Variants in SHISA6 observed in about 807,000 individuals in gnomAD.
The protein encoded by SHISA6 is shisa family member 6, also known as protein shisa-6.
In SHISA6, 22 loss-of-function variants were observed where a neutral mutation model predicts 47.9. The observed-to-expected ratio is 0.46, with a 90% CI of 0.33 to 0.66. SHISA6 has a LOEUF of 0.66. Among genes scored for constraint, SHISA6 ranks in the 30% least tolerant of loss-of-function variants. The pLI is 0.02. For missense variants in SHISA6, 680 were observed against 764.6 expected, an observed-to-expected ratio of 0.89 and a Z score of 1.30; for synonymous variants, 388 against 337.8, an observed-to-expected ratio of 1.15 and a Z score of -1.63.
intron 2 of SHISA6, among the ~76,000 whole-genome samples, chr17:11,305,209 G>A (rs924261077): frequency 8.5e-5 from 13 of 152,268 alleles, no homozygotes; most frequent in African/African-American, 2.6e-4. Flanking sequence ...GGGGTATACT[G>A]TTTACACTGA....
Position 11,560,770 on chromosome 17 carries a change from C to T in SHISA6, c.*2466C>T, listed in dbSNP as rs2072035347. ...CTCAGGGGTTGTTGATGAGTTGATT[C>T]CAAGACATTTCTCATCCCAGCCTTA... is the stretch of plus-strand genomic sequence containing the variant. On this transcript the variant is annotated 3_prime_UTR_variant, in exon 6 of 6. Transcript: ENST00000441885. The T allele has an allele frequency of 6.6e-6, 1 of 152,140 alleles. No homozygotes were observed. Among genetic ancestry groups the T allele is most frequent in the Admixed American group, 6.5e-5 (1 of 15,272 alleles). The allele number at this position is 152,140 out of a possible 1,614,324, so 9.4% of individuals were successfully genotyped here.
chr17:11,494,258 C>T (rs1013910011), intron 3 of SHISA6, among the ~76,000 whole-genome samples: 3 of 152,144 alleles, frequency 2.0e-5, no homozygotes, highest in Non-Finnish European at 4.4e-5. Flanking sequence ...ATTAGCATCC[C>T]CTGCCTTAAA....
intron 3 of SHISA6, among the ~76,000 whole-genome samples, chr17:11,464,753 G>A (rs1429851133): frequency 6.6e-6 from 1 of 152,116 alleles, no homozygotes; most frequent in Non-Finnish European, 1.5e-5. Context: ...GACCAGCCTG[G>A]CCAACATGGT....
In SHISA6 at chr17:11,241,286, C is replaced by T. The variant is rs1045695245; in HGVS notation, c.-137C>T. 8.3e-4 allele frequency: 344 copies of T among 415,998 alleles called. 1 individual carries two copies. Among genetic ancestry groups the T allele is most frequent in the African/African-American group, 6.8e-3 (312 of 45,918 alleles). The allele number at this position is 415,998 out of a possible 1,614,324, so 25.8% of individuals were successfully genotyped here. ...GCCGCCGCCACTGCCGCCCGCGCCT[C>T]GATGGCGCCATCGCCCCGGAGCCGC... On this transcript the variant is annotated 5_prime_UTR_variant, in exon 1 of 6. Coordinates refer to ENST00000441885, the MANE Select transcript of SHISA6 (RefSeq NM_207386.4). This position sits in a 1 kb window ranked among gnomAD's most constrained non-coding sequence, Gnocchi z 5.5.
At chr17:11,424,222 A>C (rs149819749) in intron 3 of SHISA6, among the ~76,000 whole-genome samples, 115 of 152,348 alleles carry the variant, frequency 7.5e-4, no homozygotes, top group African/African-American at 2.6e-3. Flanking sequence ...GTAACATTTT[A>C]AAGCAGATAG....
chr17:11,300,532 C>CT (rs1368779740), intron 2 of SHISA6, among the ~76,000 whole-genome samples: 2 of 152,190 alleles, frequency 1.3e-5, no homozygotes, highest in Non-Finnish European at 2.9e-5. Context: ...GTTTTGATCT[C>CT]TAAGTTTTCA....
intron 2 of SHISA6, among the ~76,000 whole-genome samples, chr17:11,270,785 G>A (rs1372095152): frequency 6.6e-6 from 1 of 152,244 alleles, no homozygotes; most frequent in Non-Finnish European, 1.5e-5. Context: ...CTTCCATGCG[G>A]TATTTCCTTC....
At chr17:11,508,301 C>G (rs530935947) in intron 3 of SHISA6, among the ~76,000 whole-genome samples, 1 of 152,168 alleles carries the variant, frequency 6.6e-6, no homozygotes, top group Non-Finnish European at 1.5e-5. Context: ...ATCAAAGCAC[C>G]AGCATCTGGT....
At chr17:11,291,956 C>T (rs1909564052) in intron 2 of SHISA6, among the ~76,000 whole-genome samples, 3 of 152,220 alleles carry the variant, frequency 2.0e-5, no homozygotes, top group African/African-American at 4.8e-5. Context: ...AATATGCATG[C>T]GTTGTGGAAT....
At chr17:11,361,442 A>C (rs1912282735) in intron 2 of SHISA6, among the ~76,000 whole-genome samples, 1 of 152,188 alleles carries the variant, frequency 6.6e-6, no homozygotes, top group African/African-American at 2.4e-5. Context: ...ACCAATGGAA[A>C]TATAAAGTTA....
intron 3 of SHISA6, among the ~76,000 whole-genome samples, chr17:11,472,877 A>T (rs2160496): frequency 0.27 from 41,250 of 151,892 alleles, 5,651 homozygotes; most frequent in Admixed American, 0.31. Context: ...TTACATTATC[A>T]TTGTCTTGAT....
intron 2 of SHISA6, among the ~76,000 whole-genome samples, chr17:11,286,304 T>TA (rs1803959854): frequency 6.6e-6 from 1 of 152,194 alleles, no homozygotes; most frequent in African/African-American, 2.4e-5. Context: ...CACATCCACA[T>TA]ATCCTGGGCT....
chr17:11,465,322 G>A (rs1351103546), intron 3 of SHISA6, among the ~76,000 whole-genome samples: 2 of 152,096 alleles, frequency 1.3e-5, no homozygotes, highest in East Asian at 1.9e-4. Flanking sequence ...CATGCCTCTC[G>A]TATGCAGCCT....
intron 2 of SHISA6, among the ~76,000 whole-genome samples, chr17:11,301,277 T>C (rs1460474717): frequency 6.6e-6 from 1 of 152,164 alleles, no homozygotes; most frequent in Non-Finnish European, 1.5e-5. Context: ...CCTGGGTGCG[T>C]TGCAGCCCCC....
chr17:11,351,988 TTTTGGTGAGATA>T (rs1468361420), intron 2 of SHISA6, among the ~76,000 whole-genome samples: 1 of 152,060 alleles, frequency 6.6e-6, no homozygotes, highest in Non-Finnish European at 1.5e-5. Flanking sequence ...AACTTTAAAT[TTTTGGTGAGATA>T]TTGGTATGGA....
chr17:11,341,316 T>TTC (rs200611442), intron 2 of SHISA6, among the ~76,000 whole-genome samples: 211 of 147,906 alleles, frequency 1.4e-3, no homozygotes, highest in Middle Eastern at 0.011. Flanking sequence ...ATCCCATTCT[T>TTC]TCTCTCTCTC....
At chr17:11,250,833 C>T (rs1229783648) in intron 1 of SHISA6, among the ~76,000 whole-genome samples, 1 of 151,914 alleles carries the variant, frequency 6.6e-6, no homozygotes, top group African/African-American at 2.4e-5. Context: ...AGCCCACAAG[C>T]CAGAGTTGGA....
Position 11,557,922 on chromosome 17 carries a change from C to G in SHISA6, c.1274C>G (p.Pro425Arg), listed in dbSNP as rs768413167. The G allele has an allele frequency of 3.2e-5, 49 of 1,551,564 alleles. No homozygotes were observed. Among genetic ancestry groups the G allele is most frequent in the Non-Finnish European group, 4.3e-5 (49 of 1,146,972 alleles). Residue 425 changes from proline to arginine, a missense_variant, in exon 6 of 6, where the codon CCG becomes CGG. Coordinates refer to ENST00000441885, the MANE Select transcript of SHISA6 (RefSeq NM_207386.4). ...ATGTCCCAGGACAGGGTCCTGTCCC[C>G]GGATCGGGGCCTGCCAGATGAGTTC... Reference protein sequence around the residue: ...RAMSQDRVLSPDRGLPDEFSM... With the variant: ...RAMSQDRVLSRDRGLPDEFSM...
At chr17:11,354,473 A>C (rs1475462677) in intron 2 of SHISA6, among the ~76,000 whole-genome samples, 1 of 152,188 alleles carries the variant, frequency 6.6e-6, no homozygotes, top group African/African-American at 2.4e-5. Context: ...ACATCCACCA[A>C]GCAGGGACCC....
Sources: allele counts gnomAD v4.1 joint callset (sites outside exome capture counted in the v4.1 genomes callset), GRCh38; gene constraint gnomAD v4.1.1; non-coding constraint Gnocchi (gnomAD v3.1); transcripts MANE v1.5; gene names NCBI Gene and HGNC (gene_info 2026-07-23, HGNC 2026-07-21).